The following NPIPB2 variants were observed in gnomAD, a reference collection of about 807,000 sequenced individuals.
NPIPB2 encodes the protein nuclear pore complex-interacting protein family member B2.
A neutral mutation model predicts 30.8 loss-of-function variants in NPIPB2; 27 were observed. The ratio of observed to expected loss-of-function variants is 0.88; its 90% CI spans 0.65 to 1.21. NPIPB2 has a LOEUF of 1.21. NPIPB2 is among the 50% of genes most tolerant of loss of function. NPIPB2 has a pLI of 0.00. For missense variants in NPIPB2, 440 were observed against 446.2 expected (o/e 0.99, Z 0.13); for synonymous variants, 147 against 162.0 (o/e 0.91, Z 0.70).
chr16:11,975,832 T>C (rs1046828955), intron 1 of NPIPB2, among the ~76,000 whole-genome samples: 1 of 151,700 alleles, frequency 6.6e-6, no homozygotes, highest in East Asian at 1.9e-4. Flanking sequence ...CTCAGGTGAT[T>C]CACCCACCTT....
chr16:11,949,260 G>C (rs975923986), intron 1 of NPIPB2, among the ~76,000 whole-genome samples: 1 of 152,156 alleles, frequency 6.6e-6, no homozygotes. Context: ...TTTTATTACT[G>C]TGCACGTCGG....
chr16:11,940,708 C>T (rs902313466), intron 1 of NPIPB2, among the ~76,000 whole-genome samples: 7 of 137,100 alleles, frequency 5.1e-5, no homozygotes, highest in Non-Finnish European at 9.3e-5. Context: ...TGCAGTGAGC[C>T]GAGATCTTGC....
chr16:11,951,134 C>A (rs1198372185), intron 1 of NPIPB2, among the ~76,000 whole-genome samples: 2 of 151,928 alleles, frequency 1.3e-5, no homozygotes, highest in Admixed American at 6.6e-5. Context: ...AAAAAAAATT[C>A]TTTTAAGAAA....
intron 1 of NPIPB2, chr16:11,966,060 G>C (rs1474859060): frequency 2.6e-6 from 2 of 780,998 alleles, no homozygotes; most frequent in East Asian, 6.7e-5. Flanking sequence ...GCAGTGAGCC[G>C]AGATCGCGCC....
chr16:11,964,891 C>A (rs1291319511), intron 1 of NPIPB2, among the ~76,000 whole-genome samples: 3 of 152,166 alleles, frequency 2.0e-5, no homozygotes, highest in Admixed American at 6.6e-5. Context: ...AGGGGCACAG[C>A]ACAGACCTTG....
upstream of NPIPB2, among the ~76,000 whole-genome samples, chr16:11,945,114 G>A (rs76097822): frequency 0.012 from 1,824 of 152,188 alleles, 72 homozygotes; most frequent in Admixed American, 0.091. Context: ...TTGAACCCGG[G>A]AGGCAGAGGT....
intron 1 of NPIPB2, among the ~76,000 whole-genome samples, chr16:11,939,081 T>C (rs2150916024): frequency 6.6e-6 from 1 of 152,242 alleles, no homozygotes; most frequent in Non-Finnish European, 1.5e-5. Flanking sequence ...TTTACTTGTT[T>C]TTTAAATTGA....
intron 1 of NPIPB2, among the ~76,000 whole-genome samples, chr16:11,951,083 C>A (rs190910068): frequency 6.6e-6 from 1 of 152,142 alleles, no homozygotes. Flanking sequence ...CTCACTATGT[C>A]AAACTGGCTT....
chr16:11,930,370 G>T, intron 5 of NPIPB2, 80 bp downstream of exon 5: 2 of 1,270,194 alleles, frequency 1.6e-6, no homozygotes, highest in South Asian at 1.3e-5. Flanking sequence ...CATTTACTGG[G>T]TCTAAACATT....
chr16:11,946,474 G>T (rs999659407), upstream of NPIPB2, among the ~76,000 whole-genome samples: 1 of 151,762 alleles, frequency 6.6e-6, no homozygotes, highest in Admixed American at 6.6e-5. Context: ...GGCTGAGGCT[G>T]AGGTGGGGGG....
At chr16:11,965,318 T>A in intron 1 of NPIPB2, 1 of 1,614,166 alleles carries the variant, frequency 6.2e-7, no homozygotes, top group Non-Finnish European at 8.5e-7. Context: ...GTTTTCTTTT[T>A]GTGATCATGT....
At chr16:11,966,493 G>C (rs942887062) in intron 1 of NPIPB2, 7 of 785,840 alleles carry the variant, frequency 8.9e-6, no homozygotes, top group Non-Finnish European at 3.8e-6. Context: ...ACTTGGTAGA[G>C]GTGAGCCATC....
At chr16:11,941,408 G>T in intron 1 of NPIPB2, 1 of 431,026 alleles carries the variant, frequency 2.3e-6, no homozygotes. Flanking sequence ...GAAGGGAAAG[G>T]AGGAGAAGGG....
chr16:11,966,533 T>G (rs1014873965), intron 1 of NPIPB2, among the ~76,000 whole-genome samples: 5 of 152,206 alleles, frequency 3.3e-5, no homozygotes, highest in Admixed American at 1.3e-4. Flanking sequence ...CTTGGCAGAT[T>G]TTCTACAATG....
intron 1 of NPIPB2, chr16:11,967,441 A>G (rs944633079): frequency 3.2e-6 from 3 of 933,564 alleles, no homozygotes; most frequent in Non-Finnish European, 4.8e-6. Context: ...GCAACACAGT[A>G]AGACCCCACC....
exon 3 of NPIPB2, chr16:11,933,899 T>G (rs762410418): frequency 2.7e-5 from 42 of 1,554,640 alleles, no homozygotes; most frequent in Middle Eastern, 2.3e-4. Flanking sequence ...ATTTTCAGAC[T>G]GGAAGATAGT....
upstream of NPIPB2, among the ~76,000 whole-genome samples, chr16:11,942,473 CT>C (rs2054953800): frequency 6.6e-6 from 1 of 150,464 alleles, no homozygotes; most frequent in Non-Finnish European, 1.5e-5. Context: ...CAAATCACCC[CT>C]AACCCACCTA....
upstream of NPIPB2, among the ~76,000 whole-genome samples, chr16:11,943,091 G>A (rs2054960114): frequency 6.6e-6 from 1 of 152,286 alleles, no homozygotes; most frequent in Non-Finnish European, 1.5e-5. Flanking sequence ...GGAGGCCGAG[G>A]TGGGCGGATC....
At chr16:11,941,983 C>A (rs766377280) in exon 1 of NPIPB2, 122 of 1,128,666 alleles carry the variant, frequency 1.1e-4, no homozygotes, top group Non-Finnish European at 1.5e-4. Context: ...AACCTCATAC[C>A]CAAGCAGAGT....
Sources: allele counts gnomAD v4.1 joint callset (sites outside exome capture counted in the v4.1 genomes callset), GRCh38; gene constraint gnomAD v4.1.1; transcripts MANE v1.5; gene names NCBI Gene and HGNC (gene_info 2026-07-23, HGNC 2026-07-21).